C1orf146: variants seen among roughly 807,000 people sequenced by gnomAD.
The protein encoded by C1orf146 is chromosome 1 open reading frame 146, also known as protein SPO16 homolog.
A neutral mutation model predicts 23.0 loss-of-function variants in C1orf146; 22 were observed. That is an observed-to-expected ratio of 0.96 (90% CI 0.68 to 1.36). The LOEUF is 1.36. Among genes scored for constraint, C1orf146 ranks in the 40% most tolerant of loss-of-function variants. The pLI is 0.00. For missense variants in C1orf146, 199 were observed against 206.8 expected (o/e 0.96, Z 0.23); for synonymous variants, 59 against 65.3 (o/e 0.90, Z 0.47).
Position 92,231,451 on chromosome 1 carries a change from T to A in C1orf146, c.31T>A (p.Trp11Arg). ...TGAAAGTGGAAAAGAAAAAATAAAA[T>A]GGACAACCACCATTATTATTAGCTC... MAESGKEKIK[W>R]TTTIIISSSL... Residue 11 changes from tryptophan (W) to arginine (R), a missense_variant, in exon 2 of 6, where the codon TGG becomes AGG. Transcript: ENST00000370375. The A allele has an allele frequency of 1.2e-6, 2 of 1,611,410 alleles. No homozygotes were observed. Among genetic ancestry groups the A allele is most frequent in the Non-Finnish European group, 1.7e-6 (2 of 1,179,136 alleles).
chr1:92,231,723 T>C (rs1199427527), intron 2 of C1orf146, among the ~76,000 whole-genome samples: 9 of 152,100 alleles, frequency 5.9e-5, no homozygotes, highest in Non-Finnish European at 1.2e-4. Flanking sequence ...TTTTTTTTTT[T>C]CCTTCTGTAA....
chr1:92,238,202 T>C (rs562916155), intron 2 of C1orf146, among the ~76,000 whole-genome samples: 257 of 152,348 alleles, frequency 1.7e-3, no homozygotes, highest in Middle Eastern at 0.014. Flanking sequence ...CCAAAAGTGC[T>C]GGGATTACAG....
intron 3 of C1orf146, 66 bp downstream of exon 3, chr1:92,242,371 T>A: frequency 1.2e-6 from 1 of 849,738 alleles, no homozygotes; most frequent in Non-Finnish European, 1.9e-6. Context: ...TCTAATGACT[T>A]CATAGTTCAG....
intron 2 of C1orf146, among the ~76,000 whole-genome samples, chr1:92,241,470 G>A (rs1570798331): frequency 1.3e-5 from 2 of 151,860 alleles, no homozygotes; most frequent in South Asian, 2.1e-4. Flanking sequence ...CAAGGTCTCC[G>A]TAGCCACCAT....
intron 2 of C1orf146, among the ~76,000 whole-genome samples, chr1:92,234,554 A>C (rs1652224040): frequency 6.6e-6 from 1 of 152,180 alleles, no homozygotes; most frequent in Non-Finnish European, 1.5e-5. Flanking sequence ...TTCATCAAGG[A>C]TATTGGTCTA....
chr1:92,218,732 C>T lies in C1orf146; in HGVS notation c.-40+684C>T, dbSNP rs1199354838. On this transcript the variant is annotated intron_variant, in intron 1 of 5. Coordinates refer to ENST00000370375, the MANE Select transcript of C1orf146 (RefSeq NM_001012425.2). Reference sequence around the variant, plus strand: ...GGTCCCGTCCCCCGCGCCTGCCCCTCCCCTCTGTCCCTGCACGCTCAGCGT... The same window carrying T: ...GGTCCCGTCCCCCGCGCCTGCCCCTTCCCTCTGTCCCTGCACGCTCAGCGT... Among the ~76,000 whole-genome samples the T allele has an allele frequency of 2.6e-5, 4 of 152,200 alleles. No individual in the cohort carries two copies. In the East Asian group the frequency reaches 7.7e-4, roughly 29 times the overall value.
chr1:92,226,557 ATTC>A, intron 1 of C1orf146, among the ~76,000 whole-genome samples: 1 of 152,212 alleles, frequency 6.6e-6, no homozygotes, highest in Non-Finnish European at 1.5e-5. Flanking sequence ...GGTTCTCTTC[ATTC>A]TTAACATGGA....
chr1:92,244,263 T>C lies in C1orf146; in HGVS notation c.207T>C (p.Thr69=). The change falls in exon 4 of 6, where the codon ACT becomes ACC. Residue 69 remains threonine (T), a synonymous_variant. Coordinates refer to ENST00000370375, the MANE Select transcript of C1orf146 (RefSeq NM_001012425.2). The stretch of plus-strand genomic sequence containing the variant: ...ATACTAAGGAATGTCTTCTGTCAAC[T>C]GAAGAAATATTTCTAGCCAAAATTG... ...LMDTKECLLS[T]EEIFLAKIEK... 1 of 1,605,356 alleles carries C rather than the reference T, an allele frequency of 6.2e-7. No individual in the cohort carries two copies. Among genetic ancestry groups the C allele is most frequent in the South Asian group, 1.1e-5 (1 of 90,244 alleles).
chr1:92,231,763 G>A (rs1360011815), intron 2 of C1orf146, among the ~76,000 whole-genome samples: 3 of 151,274 alleles, frequency 2.0e-5, no homozygotes, highest in African/African-American at 7.3e-5. Context: ...AAGGAATTCC[G>A]GAAACAGTAA....
At chr1:92,231,259 T>C (rs1477585326) in intron 1 of C1orf146, 123 bp from the exon 2 acceptor site, 4 of 542,424 alleles carry the variant, frequency 7.4e-6, no homozygotes, top group Non-Finnish European at 1.3e-5. Flanking sequence ...ACTTTTTCTG[T>C]TGTCAAATTT....
chr1:92,229,421 G>A, intron 1 of C1orf146: 2 of 529,830 alleles, frequency 3.8e-6, no homozygotes, highest in Non-Finnish European at 7.6e-6. Flanking sequence ...CGGGCAGCTT[G>A]TAGCTCTTCT....
At chr1:92,228,673 C>A (rs2100733047) in intron 1 of C1orf146, among the ~76,000 whole-genome samples, 1 of 152,246 alleles carries the variant, frequency 6.6e-6, no homozygotes, top group African/African-American at 2.4e-5. Flanking sequence ...AGACTGCTGG[C>A]CTTGCAGACT....
chr1:92,228,662 G>C (rs1221457490), intron 1 of C1orf146, among the ~76,000 whole-genome samples: 1 of 152,128 alleles, frequency 6.6e-6, no homozygotes, highest in East Asian at 1.9e-4. Flanking sequence ...GCACAGATCG[G>C]AGACTGCTGG....
chr1:92,240,491 C>CTG (rs1264390087), intron 2 of C1orf146, among the ~76,000 whole-genome samples: 5 of 152,172 alleles, frequency 3.3e-5, no homozygotes, highest in African/African-American at 1.2e-4. Flanking sequence ...CATAGTTAAA[C>CTG]TGTAGGTCAG....
intron 4 of C1orf146, 85 bp downstream of exon 4, chr1:92,244,470 C>T (rs1312492220): frequency 9.5e-7 from 1 of 1,054,134 alleles, no homozygotes; most frequent in Non-Finnish European, 1.4e-6. Context: ...TTTTGTTTTG[C>T]TAGATGATGA....
At chr1:92,226,172 T>C (rs1404118485) in intron 1 of C1orf146, among the ~76,000 whole-genome samples, 1 of 152,218 alleles carries the variant, frequency 6.6e-6, no homozygotes, top group African/African-American at 2.4e-5. Flanking sequence ...TGTTCCTTTG[T>C]TCCTTCTTTA....
chr1:92,242,650 CA>C (rs749627584), intron 3 of C1orf146, among the ~76,000 whole-genome samples: 6 of 151,486 alleles, frequency 4.0e-5, no homozygotes, highest in Non-Finnish European at 5.9e-5. Flanking sequence ...AACTGATATA[CA>C]AAAAAAATAG....
At chr1:92,244,884 T>C (rs1652547124) in intron 5 of C1orf146, 27 bp downstream of exon 5, 1 of 1,278,776 alleles carries the variant, frequency 7.8e-7, no homozygotes, top group South Asian at 1.2e-5. Flanking sequence ...ATATGACACA[T>C]ACACACATAC....
chr1:92,221,614 G>T (rs984321466), intron 1 of C1orf146, among the ~76,000 whole-genome samples: 5 of 152,168 alleles, frequency 3.3e-5, no homozygotes, highest in Non-Finnish European at 5.9e-5. Flanking sequence ...TTTCCTTTTG[G>T]AAAATAATTG....
Sources: gnomAD v4.1 joint callset for allele counts (sites outside exome capture counted in the v4.1 genomes callset) on GRCh38, gnomAD v4.1.1 for gene constraint, MANE v1.5 for transcripts, NCBI Gene and HGNC (gene_info 2026-07-23, HGNC 2026-07-21) for gene names.